Variants in IQCM observed in about 807,000 individuals in gnomAD.
IQCM encodes IQ motif containing M.
In IQCM, 45 loss-of-function variants were observed where a neutral mutation model predicts 57.6. That is an observed-to-expected ratio of 0.78 (90% CI 0.62 to 1.00). The LOEUF is 1.00. Ranked by LOEUF, IQCM falls within the 50% of genes least tolerant of loss-of-function variation. The pLI, the probability that IQCM is intolerant of heterozygous loss-of-function variation, is 0.00. For missense variants in IQCM, 468 were observed against 511.6 expected (o/e 0.91, Z 0.82); for synonymous variants, 148 against 158.9 (o/e 0.93, Z 0.51).
chr4:149,477,785 G>T (rs1375230422), intron 12 of IQCM, among the ~76,000 whole-genome samples: 1 of 152,106 alleles, frequency 6.6e-6, no homozygotes, highest in Admixed American at 6.6e-5. Context: ...GGAATAACTG[G>T]ATATCAGAGA....
Position 149,354,296 on chromosome 4 carries a change from G to A in IQCM, c.1391-2230C>T, listed in dbSNP as rs985614157. Among the ~76,000 whole-genome samples, 26 of 133,236 alleles carry A rather than the reference G, an allele frequency of 2.0e-4. No individual in the cohort carries two copies. The East Asian group carries it at 4.3e-3, about 22-fold the overall frequency. 87.4% of individuals were successfully genotyped at this position (133,236 alleles called of 152,430 possible). On this transcript the variant is annotated intron_variant, in intron 13 of 13. Coordinates refer to ENST00000636793, the MANE Select transcript of IQCM (RefSeq NM_001363507.2). ...GGAGAATGGCGTGAACCCGGGAGGC[G>A]GAGCTTGCAGTGAGCCGAGATCCCG... is the stretch of plus-strand genomic sequence containing the variant.
At chr4:149,475,635 G>C (rs1231077466) in intron 12 of IQCM, among the ~76,000 whole-genome samples, 2 of 151,996 alleles carry the variant, frequency 1.3e-5, no homozygotes, top group African/African-American at 2.4e-5. Flanking sequence ...TAGCACTGAG[G>C]GGGGAAGAAG....
chr4:149,531,094 G>A lies in IQCM; in HGVS notation c.1228+17361C>T, dbSNP rs142039791. On this transcript the variant is annotated intron_variant, in intron 12 of 13. Transcript: ENST00000636793. ...ACAATACTGGGATTCATGTGAAAAA[G>A]TTTTACTCAGGAGCAGAAATGATAG... Among the ~76,000 whole-genome samples the A allele has an allele frequency of 2.6e-5, 4 of 152,102 alleles. No individual in the cohort carries two copies. The East Asian group carries it at 7.7e-4, about 29-fold the overall frequency.
intron 13 of IQCM, among the ~76,000 whole-genome samples, chr4:149,394,231 T>G (rs947230037): frequency 2.0e-5 from 3 of 152,022 alleles, no homozygotes; most frequent in African/African-American, 7.2e-5. Context: ...AATTGGCTCA[T>G]ATCTTAAATG....
intron 2 of IQCM, among the ~76,000 whole-genome samples, chr4:149,781,415 C>A (rs897977235): frequency 2.6e-5 from 4 of 152,154 alleles, no homozygotes; most frequent in Admixed American, 2.6e-4. Context: ...ATATATGCTA[C>A]GTTTATGCTA....
At chr4:149,801,060 G>A (rs574724104) in intron 2 of IQCM, among the ~76,000 whole-genome samples, 22 of 151,642 alleles carry the variant, frequency 1.5e-4, no homozygotes, top group African/African-American at 5.1e-4. Flanking sequence ...AAATATTTGG[G>A]GGCAAAGTTT....
rs868163314 is a variant in IQCM at position 149,433,400 on chromosome 4, A to G, written c.1386T>C (p.Tyr462=). Residue 462 remains tyrosine, a synonymous_variant, in exon 13 of 14, where the codon TAT becomes TAC. Coordinates refer to ENST00000636793, the MANE Select transcript of IQCM (RefSeq NM_001363507.2). ...AAATAAGGTTCAATATCTTACCTAT[A>G]TATCTATAACCTTCTTCCCCATTTA... The part of the protein sequence containing the change: ...PIVNGEEGYR[Y]IVNGHPALKR... The G allele has an allele frequency of 5.2e-5, 63 of 1,213,290 alleles. No homozygotes were observed. Among genetic ancestry groups the G allele is most frequent in the Middle Eastern group, 6.3e-4 (2 of 3,174 alleles). The allele number at this position is 1,213,290 out of a possible 1,614,324, so 75.2% of individuals were successfully genotyped here. A position where few individuals can be genotyped will look rare whatever the true frequency, so the allele number is the denominator to read the frequency against.
chr4:149,669,685 T>G (rs1761074741), intron 7 of IQCM, among the ~76,000 whole-genome samples: 1 of 152,202 alleles, frequency 6.6e-6, no homozygotes, highest in Non-Finnish European at 1.5e-5. Context: ...AGTTTCAGCT[T>G]TCTACATATG....
At chr4:149,664,365 T>G (rs1182367602) in intron 7 of IQCM, among the ~76,000 whole-genome samples, 1 of 152,130 alleles carries the variant, frequency 6.6e-6, no homozygotes, top group East Asian at 1.9e-4. Flanking sequence ...GTCCCTGCTT[T>G]TTCATGTTTC....
chr4:149,444,678 CT>C (rs1736314155), intron 12 of IQCM, among the ~76,000 whole-genome samples: 6 of 149,488 alleles, frequency 4.0e-5, no homozygotes. Context: ...TATATGAAAA[CT>C]GAAAAAAAAA....
intron 13 of IQCM, among the ~76,000 whole-genome samples, chr4:149,421,295 A>G (rs1734103698): frequency 6.6e-6 from 1 of 152,048 alleles, no homozygotes; most frequent in Admixed American, 6.6e-5. Flanking sequence ...AGATAGAATC[A>G]ATTATTTTTT....
intron 12 of IQCM, among the ~76,000 whole-genome samples, chr4:149,456,920 A>T (rs1163682759): frequency 6.6e-6 from 1 of 152,132 alleles, no homozygotes; most frequent in Non-Finnish European, 1.5e-5. Flanking sequence ...TATGTAGCCC[A>T]GTGGTGTCCC....
intron 5 of IQCM, among the ~76,000 whole-genome samples, chr4:149,724,059 T>A (rs375115928): frequency 6.6e-6 from 1 of 152,030 alleles, no homozygotes; most frequent in African/African-American, 2.4e-5. Flanking sequence ...CTGTTTCCTA[T>A]GGATTTTCTA....
intron 13 of IQCM, among the ~76,000 whole-genome samples, chr4:149,362,388 C>T (rs1054295763): frequency 1.3e-5 from 2 of 152,082 alleles, no homozygotes; most frequent in African/African-American, 2.4e-5. Context: ...CTGGCTCTGT[C>T]CCCACCCAAA....
chr4:149,521,395 A>G (rs960784427), intron 12 of IQCM, among the ~76,000 whole-genome samples: 1 of 152,204 alleles, frequency 6.6e-6, no homozygotes, highest in Non-Finnish European at 1.5e-5. Context: ...TTTTTCTACC[A>G]TGCAAATTAT....
At chr4:149,504,779 G>A (rs1444400696) in intron 12 of IQCM, among the ~76,000 whole-genome samples, 1 of 152,144 alleles carries the variant, frequency 6.6e-6, no homozygotes, top group Non-Finnish European at 1.5e-5. Context: ...CTGGCATGAT[G>A]GCAGGTGCCT....
At chr4:149,421,211 A>C (rs1030060800) in intron 13 of IQCM, among the ~76,000 whole-genome samples, 9 of 152,078 alleles carry the variant, frequency 5.9e-5, no homozygotes, top group Non-Finnish European at 1.2e-4. Context: ...AACACAGTAT[A>C]CACTTTAGAG....
At chr4:149,651,714 A>G (rs1759197247) in intron 7 of IQCM, among the ~76,000 whole-genome samples, 1 of 152,230 alleles carries the variant, frequency 6.6e-6, no homozygotes, top group Admixed American at 6.5e-5. Flanking sequence ...TGACACTAAC[A>G]CTATTAATAT....
intron 12 of IQCM, among the ~76,000 whole-genome samples, chr4:149,543,088 C>T (rs916270294): frequency 1.3e-5 from 2 of 151,886 alleles, no homozygotes; most frequent in Non-Finnish European, 2.9e-5. Flanking sequence ...TTCTAAATTA[C>T]TAACACTAGT....
Sources: gnomAD v4.1 joint callset for allele counts (sites outside exome capture counted in the v4.1 genomes callset) on GRCh38, gnomAD v4.1.1 for gene constraint, MANE v1.5 for transcripts, NCBI Gene and HGNC (gene_info 2026-07-23, HGNC 2026-07-21) for gene names.